TMEM71: variants seen among roughly 807,000 people sequenced by gnomAD.
TMEM71 encodes transmembrane protein 71.
In TMEM71, 44 loss-of-function variants were observed where a neutral mutation model predicts 38.0. The observed-to-expected ratio is 1.16, with a 90% CI of 0.91 to 1.49. The LOEUF is 1.49. Among genes scored for constraint, TMEM71 ranks in the 40% most tolerant of loss-of-function variants. The pLI is 0.00. For missense variants in TMEM71, 367 were observed against 348.6 expected (o/e 1.05, Z -0.42); for synonymous variants, 133 against 122.5 (o/e 1.09, Z -0.56).
At chr8:132,733,780 G>A (rs1827591733) in intron 5 of TMEM71, among the ~76,000 whole-genome samples, 2 of 152,122 alleles carry the variant, frequency 1.3e-5, no homozygotes, top group Admixed American at 1.3e-4. Flanking sequence ...AGTGGATGAT[G>A]AAAATGTGGT....
the TMEM71 span, among the ~76,000 whole-genome samples, chr8:132,768,672 G>C: frequency 6.6e-6 from 1 of 152,226 alleles, no homozygotes; most frequent in African/African-American, 2.4e-5. Flanking sequence ...AAAAGAGGAA[G>C]TAATCCGATA....
intron 4 of TMEM71, among the ~76,000 whole-genome samples, chr8:132,747,738 A>ATGATC (rs1445203099): frequency 6.6e-6 from 1 of 152,220 alleles, no homozygotes; most frequent in Non-Finnish European, 1.5e-5. Flanking sequence ...GCTGCATCAG[A>ATGATC]TGATCTGACC....
intron 6 of TMEM71, among the ~76,000 whole-genome samples, chr8:132,727,253 C>T (rs1169900271): frequency 6.6e-6 from 1 of 150,674 alleles, no homozygotes; most frequent in East Asian, 2.0e-4. Flanking sequence ...ACAAAATATT[C>T]TCAGAATTTT....
Position 132,751,952 on chromosome 8 carries a change from G to A in TMEM71, c.147C>T (p.Gly49=). 7 of 1,614,102 alleles carry A rather than the reference G, an allele frequency of 4.3e-6. No individual in the cohort carries two copies. Among genetic ancestry groups the A allele is most frequent in the Non-Finnish European group, 5.9e-6 (7 of 1,180,032 alleles). ...SLDGYHSFEC[G]SIDPLTGSHY... is the part of the protein sequence containing the mutation. ...GGGAGCCTGTCAGGGGATCTATGGA[G>A]CCGCATTCAAAAGAATGGTAACCAT... The change falls in exon 4 of 10, where the codon GGC becomes GGT. Residue 49 remains glycine, a synonymous_variant. Transcript: ENST00000677595.
At chr8:132,747,809 A>C (rs1322612753) in intron 4 of TMEM71, among the ~76,000 whole-genome samples, 1 of 152,214 alleles carries the variant, frequency 6.6e-6, no homozygotes, top group South Asian at 2.1e-4. Context: ...CTGGACAGGT[A>C]AAAGGAAGGT....
At chr8:132,749,824 G>A (rs1828595943) in intron 4 of TMEM71, among the ~76,000 whole-genome samples, 2 of 151,944 alleles carry the variant, frequency 1.3e-5, no homozygotes, top group Non-Finnish European at 2.9e-5. Context: ...GACCATCCTG[G>A]CCAACATGGC....
intron 5 of TMEM71, among the ~76,000 whole-genome samples, chr8:132,740,219 C>A (rs1827963840): frequency 6.6e-6 from 1 of 152,166 alleles, no homozygotes; most frequent in African/African-American, 2.4e-5. Flanking sequence ...CAGCCCAGTG[C>A]AGGCTCTGAG....
At chr8:132,720,706 G>A (rs552959432) in intron 7 of TMEM71, among the ~76,000 whole-genome samples, 78 of 152,256 alleles carry the variant, frequency 5.1e-4, no homozygotes, top group Non-Finnish European at 1.3e-4. Context: ...ATTTAAAAAA[G>A]CACCTCCTCC....
chr8:132,744,117 A>G (rs948305023), intron 5 of TMEM71, among the ~76,000 whole-genome samples: 4 of 152,194 alleles, frequency 2.6e-5, no homozygotes, highest in South Asian at 4.1e-4. Context: ...AGTAAACCAT[A>G]AGGCCCAAGA....
the TMEM71 span, among the ~76,000 whole-genome samples, chr8:132,766,537 T>C: frequency 3.9e-5 from 6 of 152,172 alleles, no homozygotes; most frequent in African/African-American, 1.4e-4. Context: ...CGGTGGCTTA[T>C]GCCTACAATC....
rs192798462 is a variant in TMEM71, at chr8:132,756,618, G to A, written c.101+616C>T. On this transcript the variant is annotated intron_variant, in intron 3 of 9. Coordinates refer to ENST00000677595, the MANE Select transcript of TMEM71 (RefSeq NM_001382403.1). ...AATAATTATTATTATTTTGAGACTC[G>A]CTCTGTTGCCCAAGCTGGAGTGCAG... Among the ~76,000 whole-genome samples, 490 of 150,556 alleles carry A rather than the reference G, an allele frequency of 3.3e-3. 5 individuals are homozygous for A. The highest frequency in any genetic ancestry group is 0.012 in the African/African-American group (477 of 40,924).
chr8:132,746,926 G>A lies in TMEM71; in HGVS notation c.487+16C>T. The A allele has an allele frequency of 6.4e-7, 1 of 1,561,836 alleles. No individual in the cohort carries two copies. Among genetic ancestry groups the A allele is most frequent in the Middle Eastern group, 1.7e-4 (1 of 5,806 alleles). On this transcript the variant is annotated intron_variant, in intron 5 of 9. Transcript: ENST00000677595. ...GGAGATAAAATTTTACTATGGAAAG[G>A]AGGACTCAAACTCACCATTTCCATT...
the TMEM71 span, among the ~76,000 whole-genome samples, chr8:132,768,666 G>A: frequency 1.3e-5 from 2 of 152,202 alleles, no homozygotes; most frequent in African/African-American, 2.4e-5. Context: ...AAATCCAAAA[G>A]AGGAAGTAAT....
Position 132,712,274 on chromosome 8 carries a change from A to G in TMEM71, c.873-1292T>C, listed in dbSNP as rs1826276429. 2.6e-5 allele frequency among the ~76,000 whole-genome samples: 4 copies of G among 152,132 alleles called. No individual in the cohort carries two copies. In the South Asian group the frequency reaches 8.3e-4, roughly 31 times the overall value. ...ACAAGTCAAAGTATGTACACAAATA[A>G]TCAAAGAAAGGATCTCCTTCCATAA... On this transcript the variant is annotated intron_variant, in intron 9 of 9. Transcript: ENST00000677595.
intron 3 of TMEM71, among the ~76,000 whole-genome samples, chr8:132,753,233 C>T (rs756005947): frequency 2.6e-5 from 4 of 151,080 alleles, no homozygotes; most frequent in Admixed American, 6.6e-5. Flanking sequence ...AGTTACTGAA[C>T]GAAATCACCT....
chr8:132,775,777 T>A, the TMEM71 span: 1 of 232,908 alleles, frequency 4.3e-6, no homozygotes. Context: ...GCCGGCCCTA[T>A]TGTCTGGGCG....
At chr8:132,727,120 A>C (rs1170767041) in intron 6 of TMEM71, among the ~76,000 whole-genome samples, 1 of 151,868 alleles carries the variant, frequency 6.6e-6, no homozygotes, top group East Asian at 1.9e-4. Flanking sequence ...GCCTCCCAAA[A>C]TACTGAGATT....
chr8:132,771,305 G>C, the TMEM71 span, among the ~76,000 whole-genome samples: 2 of 152,100 alleles, frequency 1.3e-5, no homozygotes, highest in Admixed American at 1.3e-4. Flanking sequence ...GTTCAGGGTT[G>C]GATGATAAAT....
At position 132,715,178 on chromosome 8, in the gene TMEM71, G is replaced by A. The variant is rs113188508; in HGVS notation, c.753-963C>T. On this transcript the variant is annotated intron_variant, in intron 7 of 9. Transcript: ENST00000677595. Reference sequence around the variant, plus strand: ...TCCCAGCACTTTGGGAGGCCGAGGCGGGCGGATCACGAGGTCAGGAGATTG... The same window carrying A: ...TCCCAGCACTTTGGGAGGCCGAGGCAGGCGGATCACGAGGTCAGGAGATTG... 3.3e-5 allele frequency among the ~76,000 whole-genome samples: 5 copies of A among 151,738 alleles called. No individual in the cohort carries two copies. The South Asian group carries it at 6.2e-4, about 19-fold the overall frequency.
Sources: gnomAD v4.1 joint callset for allele counts (sites outside exome capture counted in the v4.1 genomes callset) on GRCh38, gnomAD v4.1.1 for gene constraint, MANE v1.5 for transcripts, NCBI Gene and HGNC (gene_info 2026-07-23, HGNC 2026-07-21) for gene names.